RNF150: variants seen among roughly 807,000 people sequenced by gnomAD.
The protein encoded by RNF150 is ring finger protein 150.
A neutral mutation model predicts 39.3 loss-of-function variants in RNF150; 24 were observed. The ratio of observed to expected loss-of-function variants is 0.61; its 90% CI spans 0.44 to 0.86. The LOEUF (loss-of-function observed/expected upper bound fraction) is 0.86, where lower values mean the gene tolerates loss of function less well. Among genes scored for constraint, RNF150 ranks in the 40% least tolerant of loss-of-function variants. RNF150 has a pLI of 0.00. For missense variants in RNF150, 502 were observed against 587.8 expected, an observed-to-expected ratio of 0.85 and a Z score of 1.51; for synonymous variants, 255 against 227.3, an observed-to-expected ratio of 1.12 and a Z score of -1.10.
In RNF150 at chr4:141,079,972, T is replaced by C. The variant is rs554976718; in HGVS notation, c.484+52353A>G. On this transcript the variant is annotated intron_variant, in intron 1 of 6. Transcript: ENST00000515673. The stretch of plus-strand genomic sequence containing the variant: ...CATGTGAAATAAAGCACAGAAAGCA[T>C]AGTCAGGACTCCATAAACGTTGTTT... 3.7e-4 allele frequency among the ~76,000 whole-genome samples: 56 copies of C among 152,214 alleles called. 1 individual carries two copies. The South Asian group carries it at 9.3e-3, about 25-fold the overall frequency.
chr4:141,068,671 T>C (rs1296221457), intron 1 of RNF150, among the ~76,000 whole-genome samples: 2 of 150,876 alleles, frequency 1.3e-5, no homozygotes, highest in Non-Finnish European at 3.0e-5. Context: ...TTTCACGGTA[T>C]TGATTCTTCC....
intron 1 of RNF150, among the ~76,000 whole-genome samples, chr4:141,062,355 GTA>G (rs1234290404): frequency 9.2e-5 from 14 of 151,870 alleles, no homozygotes; most frequent in Admixed American, 2.6e-4. Flanking sequence ...GTATGTATAT[GTA>G]TATATATGTA....
chr4:141,156,130 T>C (rs1413448023), intron 1 of RNF150, among the ~76,000 whole-genome samples: 3 of 151,866 alleles, frequency 2.0e-5, no homozygotes, highest in Non-Finnish European at 4.4e-5. Flanking sequence ...GGACCTTCCA[T>C]CCCATCATGG....
At chr4:140,990,672 C>G (rs953568696) in intron 1 of RNF150, among the ~76,000 whole-genome samples, 2 of 152,144 alleles carry the variant, frequency 1.3e-5, no homozygotes, top group African/African-American at 4.8e-5. Flanking sequence ...GATCTCGTTC[C>G]TTTTTATGGC....
intron 1 of RNF150, among the ~76,000 whole-genome samples, chr4:141,051,955 G>T (rs1024461637): frequency 6.6e-6 from 1 of 152,176 alleles, no homozygotes; most frequent in African/African-American, 2.4e-5. Flanking sequence ...CGGACTTATA[G>T]TTCCATGTGG....
At chr4:141,212,190 A>G (rs1201539880) in intron 1 of RNF150, among the ~76,000 whole-genome samples, 1 of 152,186 alleles carries the variant, frequency 6.6e-6, no homozygotes, top group Non-Finnish European at 1.5e-5. Flanking sequence ...AGGCTAAACC[A>G]TGAGCAGGGG....
chr4:141,128,300 G>C (rs1726804192), intron 1 of RNF150, among the ~76,000 whole-genome samples: 1 of 152,136 alleles, frequency 6.6e-6, no homozygotes, highest in Admixed American at 6.5e-5. Context: ...AGCAATCGAG[G>C]TATGGTGTTA....
chr4:140,996,425 G>C (rs933034592), intron 1 of RNF150, among the ~76,000 whole-genome samples: 1 of 152,238 alleles, frequency 6.6e-6, no homozygotes, highest in African/African-American at 2.4e-5. Flanking sequence ...AATGTTAAGA[G>C]GTGGCATGAT....
intron 1 of RNF150, among the ~76,000 whole-genome samples, chr4:141,209,349 T>C (rs112486988): frequency 1.3e-5 from 2 of 152,230 alleles, no homozygotes; most frequent in Non-Finnish European, 2.9e-5. Flanking sequence ...CATGTTGTTA[T>C]AGTTCACTTT....
At chr4:141,173,352 A>G (rs1436137738) in intron 1 of RNF150, among the ~76,000 whole-genome samples, 1 of 152,242 alleles carries the variant, frequency 6.6e-6, no homozygotes, top group Non-Finnish European at 1.5e-5. Flanking sequence ...CATACACTGT[A>G]TGTTTGTTGC....
At chr4:141,110,789 G>A (rs1260790096) in intron 1 of RNF150, among the ~76,000 whole-genome samples, 1 of 151,930 alleles carries the variant, frequency 6.6e-6, no homozygotes, top group Non-Finnish European at 1.5e-5. Context: ...TTTATCTTTT[G>A]TTAATTTGGC....
chr4:141,032,664 G>C (rs980272062), intron 1 of RNF150, among the ~76,000 whole-genome samples: 22 of 151,832 alleles, frequency 1.4e-4, no homozygotes, highest in Non-Finnish European at 2.6e-4. Flanking sequence ...GTTTTCATCT[G>C]ATCAAAGAAA....
At chr4:141,082,568 C>T (rs1170907399) in intron 1 of RNF150, among the ~76,000 whole-genome samples, 1 of 151,570 alleles carries the variant, frequency 6.6e-6, no homozygotes, top group African/African-American at 2.4e-5. Context: ...TCAAGAAATA[C>T]AGGATGAAAT....
intron 1 of RNF150, chr4:141,053,837 A>G: frequency 5.7e-6 from 3 of 528,612 alleles, no homozygotes; most frequent in Non-Finnish European, 8.8e-6. Context: ...TCCAAAAGAT[A>G]TGGTTTAAAC....
chr4:141,061,269 T>C (rs1234543828), intron 1 of RNF150, among the ~76,000 whole-genome samples: 1 of 152,204 alleles, frequency 6.6e-6, no homozygotes, highest in Non-Finnish European at 1.5e-5. Flanking sequence ...GCCTAAATTT[T>C]CATTTTTTAT....
At chr4:141,008,629 AAC>A (rs1465868587) in intron 1 of RNF150, among the ~76,000 whole-genome samples, 1 of 152,214 alleles carries the variant, frequency 6.6e-6, no homozygotes, top group African/African-American at 2.4e-5. Flanking sequence ...ATGAATATAT[AAC>A]AGACTTAGCA....
chr4:141,161,756 G>T (rs1405688742), intron 1 of RNF150, among the ~76,000 whole-genome samples: 1 of 152,224 alleles, frequency 6.6e-6, no homozygotes. Flanking sequence ...AAGGGGCCCA[G>T]GTACACCTCA....
chr4:141,102,088 G>A (rs183491177), intron 1 of RNF150, among the ~76,000 whole-genome samples: 4 of 152,180 alleles, frequency 2.6e-5, no homozygotes, highest in African/African-American at 9.6e-5. Context: ...AGCCAGCTCC[G>A]TTATAATCTT....
intron 1 of RNF150, among the ~76,000 whole-genome samples, chr4:141,183,383 A>G (rs957632701): frequency 4.6e-5 from 7 of 152,118 alleles, no homozygotes; most frequent in African/African-American, 1.7e-4. Flanking sequence ...TTTCCCTTGA[A>G]TGAGAGAAAA....
Sources: allele counts gnomAD v4.1 joint callset (sites outside exome capture counted in the v4.1 genomes callset), GRCh38; gene constraint gnomAD v4.1.1; transcripts MANE v1.5; gene names NCBI Gene and HGNC (gene_info 2026-07-23, HGNC 2026-07-21).